YTHDC1: variants seen among roughly 807,000 people sequenced by gnomAD.
YTHDC1 encodes YTH N6-methyladenosine RNA binding protein C1, also known as YTH domain-containing protein 1.
In YTHDC1, 12 loss-of-function variants were observed where a neutral mutation model predicts 107.0. The ratio of observed to expected loss-of-function variants is 0.11; its 90% CI spans 0.07 to 0.18. The LOEUF is 0.18. YTHDC1 is among the 10% of genes least tolerant of loss of function. The probability of loss-of-function intolerance (pLI) is 1.00; values close to 1 mark genes in which losing one functional copy is unlikely to be tolerated. For missense variants in YTHDC1, 635 were observed against 898.8 expected (o/e 0.71, Z 3.75); for synonymous variants, 280 against 289.5 (o/e 0.97, Z 0.33).
In YTHDC1 at chr4:68,318,580, G is replaced by C; in HGVS notation, c.1763C>G (p.Ser588Cys). ...AAATTCCCTCACATAATCATTGTAG[G>C]ACTAAAATAAAAGATGATAATGTCA... ...GVRRDVFLNGSYNDYVREFHN... is the reference protein window; with the variant it reads ...GVRRDVFLNGCYNDYVREFHN... Residue 588 changes from serine (S) to cysteine (C), a missense_variant and splice_region_variant, in exon 15 of 17, where the codon TCC becomes TGC. Physicochemically the swap from Ser to Cys is moderately radical, Grantham distance 112. This residue lies in a region of YTHDC1 where 256 missense variants were observed against 372.9 expected (regional missense o/e 0.69). Transcript: ENST00000344157. The C allele has an allele frequency of 6.2e-7, 1 of 1,611,984 alleles. No homozygotes were observed. Among genetic ancestry groups the C allele is most frequent in the East Asian group, 2.2e-5 (1 of 44,820 alleles).
rs1454366126 is a variant in YTHDC1, at chr4:68,311,771, CAACATACAAAGCAT to C, written c.*2314_*2327del. 2.6e-5 allele frequency: 4 copies of C among 152,050 alleles called. No homozygotes were observed. The East Asian group carries it at 5.8e-4, about 22-fold the overall frequency. The allele number at this position is 152,050 out of a possible 1,614,324, so 9.4% of individuals were successfully genotyped here. A position where few individuals can be genotyped will look rare whatever the true frequency, so the allele number is the denominator to read the frequency against. ...AAATAGATCGACTCAATACTAAGCTCAACATACAAAGCATAACTTAACATCTAATTGGATGGCAC... is the reference window on the plus strand; with the variant it reads ...AAATAGATCGACTCAATACTAAGCTCAACTTAACATCTAATTGGATGGCAC... On this transcript the variant is annotated 3_prime_UTR_variant, in exon 17 of 17. Transcript: ENST00000344157.
Position 68,314,306 on chromosome 4 carries a change from C to T in YTHDC1, c.1977G>A (p.Arg659=), listed in dbSNP as rs772059774. ...RDKRVHDYDM[R]VDDFLRRTQA... Reference sequence around the variant, plus strand: ...GTGTGCGACGAAGGAAATCATCCACCCTCATATCATAATCATGCTAGAAAA... The same window carrying T: ...GTGTGCGACGAAGGAAATCATCCACTCTCATATCATAATCATGCTAGAAAA... The change falls in exon 17 of 17, where the codon AGG becomes AGA. Residue 659 remains arginine, a synonymous_variant. Coordinates refer to ENST00000344157, the MANE Select transcript of YTHDC1 (RefSeq NM_001031732.4). 2 of 1,613,870 alleles carry T rather than the reference C, an allele frequency of 1.2e-6. No homozygotes were observed. Among genetic ancestry groups the T allele is most frequent in the Non-Finnish European group, 1.7e-6 (2 of 1,179,996 alleles).
chr4:68,312,755 G>A lies in YTHDC1; in HGVS notation c.*1344C>T, dbSNP rs1433032524. 2.0e-5 allele frequency: 3 copies of A among 152,138 alleles called. No homozygotes were observed. The highest frequency in any genetic ancestry group is 4.8e-5 in the African/African-American group (2 of 41,434). 9.4% of individuals were successfully genotyped at this position (152,138 alleles called of 1,614,324 possible). On this transcript the variant is annotated 3_prime_UTR_variant, in exon 17 of 17. Coordinates refer to ENST00000344157, the MANE Select transcript of YTHDC1 (RefSeq NM_001031732.4). ...ATGTGATCTGGTACACAGTACAACT[G>A]TTGATACTATAAAAAAATCAAACAT...
Position 68,337,932 on chromosome 4 carries a change from A to T in YTHDC1, c.131-32T>A, listed in dbSNP as rs147887926. The T allele has an allele frequency of 1.4e-4, 224 of 1,578,094 alleles. 1 individual carries two copies. The East Asian group carries it at 4.6e-3, about 33-fold the overall frequency. ...AATACAATGTAAAAAAAAAAAAAAG[A>T]AGTATTTGTAGTATTCCATTTATTT... On this transcript the variant is annotated intron_variant, in intron 2 of 16. Coordinates refer to ENST00000344157, the MANE Select transcript of YTHDC1 (RefSeq NM_001031732.4).
At chr4:68,339,474 AT>A in intron 1 of YTHDC1, among the ~76,000 whole-genome samples, 1 of 152,308 alleles carries the variant, frequency 6.6e-6, no homozygotes. Flanking sequence ...TAGCAATGTT[AT>A]TTTTCTAATT....
At chr4:68,339,518 T>C (rs1724584821) in intron 1 of YTHDC1, among the ~76,000 whole-genome samples, 1 of 152,222 alleles carries the variant, frequency 6.6e-6, no homozygotes, top group African/African-American at 2.4e-5. Context: ...AAAGTCCTTA[T>C]AACACATATT....
chr4:68,337,103 C>T lies in YTHDC1; in HGVS notation c.807G>A (p.Glu269=). 6.2e-7 allele frequency: 1 copy of T among 1,614,052 alleles called. No individual in the cohort carries two copies. Among genetic ancestry groups the T allele is most frequent in the South Asian group, 1.1e-5 (1 of 91,076 alleles). ...CAGATTCAGAACCAGAGTCACTGGC[C>T]TCACTTCGAGTGTCATAATCATTTC... The part of the protein sequence containing the change: ...EEGNDYDTRS[E]ASDSGSESVS... The change falls in exon 4 of 17, where the codon GAG becomes GAA. Residue 269 remains glutamate, a synonymous_variant. Transcript: ENST00000344157.
chr4:68,316,203 A>G (rs1721840466), intron 16 of YTHDC1, 111 bp downstream of exon 16: 10 of 1,215,526 alleles, frequency 8.2e-6, no homozygotes, highest in Non-Finnish European at 1.1e-5. Flanking sequence ...AACAGTCTGC[A>G]GTAAGAATAT....
chr4:68,333,189 C>T (rs1723781512), intron 5 of YTHDC1, 119 bp downstream of exon 5: 3 of 716,622 alleles, frequency 4.2e-6, no homozygotes, highest in Non-Finnish European at 7.0e-6. Flanking sequence ...TTACACTGAA[C>T]ATGCCAAAAA....
chr4:68,326,180 A>G (rs1398283374), intron 9 of YTHDC1, among the ~76,000 whole-genome samples: 1 of 152,120 alleles, frequency 6.6e-6, no homozygotes, highest in Non-Finnish European at 1.5e-5. Context: ...TTAAATACCC[A>G]CGATCCAAGT....
At chr4:68,344,614 T>C (rs1173310210) in intron 1 of YTHDC1, among the ~76,000 whole-genome samples, 1 of 152,226 alleles carries the variant, frequency 6.6e-6, no homozygotes, top group African/African-American at 2.4e-5. Context: ...AGTTGGCTGC[T>C]AGATTCCTCC....
Position 68,314,457 on chromosome 4 carries a change from G to C in YTHDC1, c.1960-134C>G, listed in dbSNP as rs181735238. 1.0e-5 allele frequency: 7 copies of C among 701,792 alleles called. No homozygotes were observed. In the African/African-American group the frequency reaches 1.1e-4, roughly 11 times the overall value. 43.5% of individuals were successfully genotyped at this position (701,792 alleles called of 1,614,324 possible). A position where few individuals can be genotyped will look rare whatever the true frequency, so the allele number is the denominator to read the frequency against. ...GAAAAGTCTCTGTATTATAATCGGC[G>C]GAGAGAACAATCCAAAGAAATGCAA... On this transcript the variant is annotated intron_variant, in intron 16 of 16. Transcript: ENST00000344157.
At chr4:68,346,055 G>C (rs566879755) in intron 1 of YTHDC1, among the ~76,000 whole-genome samples, 1 of 144,592 alleles carries the variant, frequency 6.9e-6, no homozygotes, top group Non-Finnish European at 1.5e-5. Flanking sequence ...GTGTGCATGT[G>C]TGTGCACATG....
At chr4:68,319,612 T>C (rs1401591833) in intron 12 of YTHDC1, among the ~76,000 whole-genome samples, 1 of 152,160 alleles carries the variant, frequency 6.6e-6, no homozygotes, top group Admixed American at 6.5e-5. Flanking sequence ...ATACATGATA[T>C]CCCTTCTTGA....
At chr4:68,321,684 C>G (rs1182540019) in intron 11 of YTHDC1, among the ~76,000 whole-genome samples, 26 of 152,266 alleles carry the variant, frequency 1.7e-4, no homozygotes, top group African/African-American at 6.3e-4. Flanking sequence ...CCTACCTACT[C>G]GACAGTGTCC....
chr4:68,347,852 T>A (rs1038434665), intron 1 of YTHDC1, among the ~76,000 whole-genome samples: 1 of 152,228 alleles, frequency 6.6e-6, no homozygotes, highest in Non-Finnish European at 1.5e-5. Context: ...ACCTGTAGGT[T>A]ACCTAGAACT....
intron 6 of YTHDC1, 38 bp from the exon 7 acceptor site, chr4:68,332,235 C>T (rs1723671414): frequency 1.4e-6 from 2 of 1,434,398 alleles, no homozygotes; most frequent in Admixed American, 2.0e-5. Context: ...TAACCACAAG[C>T]CATTATCACA....
At chr4:68,336,963 A>G (rs1377734925) in intron 4 of YTHDC1, 64 bp downstream of exon 4, 2 of 1,515,396 alleles carry the variant, frequency 1.3e-6, no homozygotes, top group Non-Finnish European at 1.8e-6. Context: ...TAATTTAAAC[A>G]TTTTCAAGAC....
chr4:68,328,162 T>C (rs1356146778), intron 9 of YTHDC1, among the ~76,000 whole-genome samples: 1 of 152,148 alleles, frequency 6.6e-6, no homozygotes, highest in Non-Finnish European at 1.5e-5. Context: ...TTATCAGTAA[T>C]GTAAAAATGA....
Sources: allele counts gnomAD v4.1 joint callset (sites outside exome capture counted in the v4.1 genomes callset), GRCh38; gene constraint gnomAD v4.1.1; regional missense constraint gnomAD v4.1.1; transcripts MANE v1.5; gene names NCBI Gene and HGNC (gene_info 2026-07-23, HGNC 2026-07-21).